MAST1: variants seen among roughly 807,000 people sequenced by gnomAD.
The protein encoded by MAST1 is microtubule-associated serine/threonine-protein kinase 1.
MAST1 carries 40 observed loss-of-function variants against 124.6 expected under a neutral mutation model. The ratio of observed to expected loss-of-function variants is 0.32; its 90% CI spans 0.25 to 0.42. The LOEUF (loss-of-function observed/expected upper bound fraction) is 0.42, where lower values mean the gene tolerates loss of function less well. Ranked by LOEUF, MAST1 falls within the 10% of genes least tolerant of loss-of-function variation. MAST1 has a pLI of 1.00. For missense variants in MAST1, 1,558 were observed against 2,181.9 expected (o/e 0.71, Z 5.70); for synonymous variants, 938 against 939.4 (o/e 1.00, Z 0.03).
At chr19:12,840,306 C>T in intron 1 of MAST1, 140 bp from the exon 2 acceptor site, 1 of 635,410 alleles carries the variant, frequency 1.6e-6, no homozygotes, top group East Asian at 2.8e-5. Context: ...CACCTTTCTT[C>T]GAGAAACCCT....
intron 4 of MAST1, among the ~76,000 whole-genome samples, chr19:12,845,119 T>C (rs189530007): frequency 1.7e-3 from 255 of 152,094 alleles, no homozygotes; most frequent in Non-Finnish European, 2.9e-3. Context: ...CTGGCCAACA[T>C]GGTGAAACCC....
chr19:12,873,303 G>A (rs747156412), intron 24 of MAST1, 21 bp from the exon 25 acceptor site: 2 of 1,605,118 alleles, frequency 1.2e-6, no homozygotes, highest in South Asian at 1.1e-5. Flanking sequence ...AAGGACGCTT[G>A]GCCCCCTCCC....
Position 12,868,853 on chromosome 19 carries a change from A to G in MAST1, c.2773+4A>G. On this transcript the variant is annotated splice_donor_region_variant and intron_variant, in intron 21 of 25. Coordinates refer to ENST00000251472, the MANE Select transcript of MAST1 (RefSeq NM_014975.3). ...TTATCTGTCATGATTCCTGCAGGTA[A>G]TGCTGGGCCCCACCTGGCAGGGGAG... The G allele has an allele frequency of 6.4e-7, 1 of 1,569,468 alleles. No homozygotes were observed. The highest frequency in any genetic ancestry group is 8.7e-7 in the Non-Finnish European group (1 of 1,154,462).
Position 12,865,577 on chromosome 19 carries a change from G to A in MAST1, c.1804+96G>A. On this transcript the variant is annotated intron_variant, in intron 15 of 25. Transcript: ENST00000251472. The surrounding 1 kb of genome is among the most constrained non-coding windows in gnomAD (Gnocchi z 7.1). ...GGGATTTCAAAAGCGACCCCCCAGA[G>A]GATCGCTTGCACTCAGGAGGTCAAG... The A allele has an allele frequency of 6.6e-7, 1 of 1,508,460 alleles. No homozygotes were observed. The highest frequency in any genetic ancestry group is 1.3e-5 in the South Asian group (1 of 76,880). The allele number at this position is 1,508,460 out of a possible 1,614,324, so 93.4% of individuals were successfully genotyped here. A position where few individuals can be genotyped will look rare whatever the true frequency, so the allele number is the denominator to read the frequency against.
chr19:12,858,858 CTATT>C, intron 12 of MAST1, 119 bp downstream of exon 12: 1 of 881,888 alleles, frequency 1.1e-6, no homozygotes, highest in Non-Finnish European at 1.8e-6. Context: ...GTTTATCCAT[CTATT>C]TATTTCTCCA....
chr19:12,867,650 G>C lies in MAST1; in HGVS notation c.2316G>C (p.Glu772Asp), dbSNP rs976625881. 1.3e-6 allele frequency: 2 copies of C among 1,590,982 alleles called. No individual in the cohort carries two copies. The highest frequency in any genetic ancestry group is 2.7e-5 in the African/African-American group (2 of 74,322). Residue 772 changes from glutamate (E) to aspartate (D), a missense_variant and splice_region_variant, in exon 19 of 26, where the codon GAG becomes GAC. Physicochemically the swap from Glu to Asp is conservative, Grantham distance 45. Around this residue, in one of 10 missense-constraint regions of MAST1, gnomAD observed 287 missense variants for 308.0 expected, o/e 0.93. Transcript: ENST00000251472. ...REKTWRGGSP[E>D]IKRFSASEAS... ...AGACCTGGAGAGGGGGCTCTCCGGA[G>C]ATGTGAGCAGGGGAATGGCGGAGTT...
rs767536510 is a variant in MAST1, at chr19:12,874,333, G to A, written c.4176G>A (p.Gln1392=). 1.0e-5 allele frequency: 16 copies of A among 1,596,814 alleles called. No individual in the cohort carries two copies. The highest frequency in any genetic ancestry group is 1.7e-4 in the Middle Eastern group (1 of 6,060). ...LERDVGCTRH[Q]SVQTEDGTGG... ...GGGACGTCGGCTGCACGCGGCATCA[G>A]AGCGTGCAGACGGAGGATGGCACTG... is the stretch of plus-strand genomic sequence containing the variant. The change falls in exon 26 of 26, where the codon CAG becomes CAA. Residue 1392 remains glutamine (Q), a synonymous_variant. Coordinates refer to ENST00000251472, the MANE Select transcript of MAST1 (RefSeq NM_014975.3). The surrounding 1 kb of genome is among the most constrained non-coding windows in gnomAD (Gnocchi z 6.6).
chr19:12,860,142 T>C (rs577524005), intron 12 of MAST1, among the ~76,000 whole-genome samples: 1 of 152,202 alleles, frequency 6.6e-6, no homozygotes, highest in East Asian at 1.9e-4. Flanking sequence ...GGGGACGGCG[T>C]CTTGCTCTGT....
chr19:12,848,321 T>C (rs1459511788), intron 7 of MAST1: 10 of 453,890 alleles, frequency 2.2e-5, no homozygotes, highest in Non-Finnish European at 4.0e-5. Context: ...TCCCCAGTCA[T>C]TTAAAATATT....
intron 7 of MAST1, chr19:12,848,637 A>G (rs1228157466): frequency 6.6e-6 from 1 of 150,684 alleles, no homozygotes; most frequent in Non-Finnish European, 1.5e-5. Context: ...AAAAAATAAT[A>G]ATAGTAAATA....
At chr19:12,853,347 C>T (rs997795221) in intron 10 of MAST1, among the ~76,000 whole-genome samples, 1 of 151,744 alleles carries the variant, frequency 6.6e-6, no homozygotes, top group Non-Finnish European at 1.5e-5. Context: ...CTTTGGGAGG[C>T]CAAGGCAGGA....
intron 2 of MAST1, 101 bp from the exon 3 acceptor site, chr19:12,840,890 A>AT: frequency 1.3e-6 from 1 of 778,872 alleles, no homozygotes; most frequent in Non-Finnish European, 2.4e-6. Flanking sequence ...TGGTCTCCCC[A>AT]TAATAGGCGG....
At chr19:12,868,525 G>C in intron 20 of MAST1, 118 bp from the exon 21 acceptor site, 1 of 866,944 alleles carries the variant, frequency 1.2e-6, no homozygotes, top group Non-Finnish European at 1.8e-6. Context: ...TACCTGCTCA[G>C]ATGAAACTCA....
In MAST1 at chr19:12,864,868, A is replaced by T. The variant is rs201585893; in HGVS notation, c.1426A>T (p.Met476Leu). The T allele has an allele frequency of 1.1e-5, 17 of 1,614,088 alleles. No homozygotes were observed. The African/African-American group carries it at 1.9e-4, about 18-fold the overall frequency. The change falls in exon 13 of 26, where the codon ATG becomes TTG. Residue 476 changes from methionine to leucine, a missense_variant. Physicochemically the swap from Met to Leu is conservative, Grantham distance 15. Coordinates refer to ENST00000251472, the MANE Select transcript of MAST1 (RefSeq NM_014975.3). ...AGCGCTGCCCGTAGAGATGGCCCGC[A>T]TGTACTTTGCTGAGACGGTGCTAGC... ...IGALPVEMAR[M>L]YFAETVLALE...
At chr19:12,848,080 C>T in intron 7 of MAST1, 23 bp downstream of exon 7, 1 of 1,604,860 alleles carries the variant, frequency 6.2e-7, no homozygotes, top group Non-Finnish European at 8.5e-7. Context: ...GGAGGCCGGG[C>T]TGATCTCAGG....
rs780339232 is a variant in MAST1, at chr19:12,864,895, C to T, written c.1453C>T (p.Leu485=). The T allele has an allele frequency of 3.7e-6, 6 of 1,614,154 alleles. No homozygotes were observed. In the Admixed American group the frequency reaches 1.0e-4, roughly 27 times the overall value. ...RMYFAETVLA[L]EYLHNYGIVH... Reference sequence around the variant, plus strand: ...GTACTTTGCTGAGACGGTGCTAGCCCTGGAGTATTTGCACAACTATGGCAT... The same window carrying T: ...GTACTTTGCTGAGACGGTGCTAGCCTTGGAGTATTTGCACAACTATGGCAT... The change falls in exon 13 of 26, where the codon CTG becomes TTG. Residue 485 remains leucine (L), a synonymous_variant. Coordinates refer to ENST00000251472, the MANE Select transcript of MAST1 (RefSeq NM_014975.3).
rs1368482983 is a variant in MAST1, at chr19:12,873,892, C to A, written c.3735C>A (p.Val1245=). ...FPAKLHSSPP[V]VRPRPKSAEP... ...CCAAACTGCACTCATCGCCTCCCGTCGTGCGCCCGCGCCCCAAGAGTGCCG... is the reference window on the plus strand; with the variant it reads ...CCAAACTGCACTCATCGCCTCCCGTAGTGCGCCCGCGCCCCAAGAGTGCCG... The change falls in exon 26 of 26, where the codon GTC becomes GTA. Residue 1245 remains valine, a synonymous_variant. Coordinates refer to ENST00000251472, the MANE Select transcript of MAST1 (RefSeq NM_014975.3). 4 of 1,579,712 alleles carry A rather than the reference C, an allele frequency of 2.5e-6. No homozygotes were observed. In the East Asian group the frequency reaches 9.1e-5, roughly 36 times the overall value.
intron 12 of MAST1, among the ~76,000 whole-genome samples, chr19:12,860,006 T>C (rs976365514): frequency 6.6e-6 from 1 of 152,032 alleles, no homozygotes; most frequent in Non-Finnish European, 1.5e-5. Context: ...CCATCCCATA[T>C]ACCTGTTTAT....
Position 12,859,543 on chromosome 19 carries a change from C to T in MAST1, c.1366+804C>T, listed in dbSNP as rs8100719. Among the ~76,000 whole-genome samples, 650 of 152,202 alleles carry T rather than the reference C, an allele frequency of 4.3e-3. 8 individuals carry two copies. Among genetic ancestry groups the T allele is most frequent in the African/African-American group, 0.015 (616 of 41,540 alleles). Reference sequence around the variant, plus strand: ...CTGGGATTATAGGTGCGGACCACCACACTCGGCTAATTTTTGGGAGGCCAA... The same window carrying T: ...CTGGGATTATAGGTGCGGACCACCATACTCGGCTAATTTTTGGGAGGCCAA... On this transcript the variant is annotated intron_variant, in intron 12 of 25. Transcript: ENST00000251472.
Sources: allele counts gnomAD v4.1 joint callset (sites outside exome capture counted in the v4.1 genomes callset), GRCh38; gene constraint gnomAD v4.1.1; regional missense constraint gnomAD v4.1.1; non-coding constraint Gnocchi (gnomAD v3.1); transcripts MANE v1.5; gene names NCBI Gene and HGNC (gene_info 2026-07-23, HGNC 2026-07-21).